TOR3A: variants seen among roughly 807,000 people sequenced by gnomAD.
TOR3A encodes torsin-3A.
A neutral mutation model predicts 42.1 loss-of-function variants in TOR3A; 44 were observed. That is an observed-to-expected ratio of 1.04 (90% CI 0.82 to 1.34). The LOEUF (loss-of-function observed/expected upper bound fraction) is 1.34, where lower values mean the gene tolerates loss of function less well. Ranked by LOEUF, TOR3A falls within the 40% of genes most tolerant of loss-of-function variation. The pLI, the probability that TOR3A is intolerant of heterozygous loss-of-function variation, is 0.00. For missense variants in TOR3A, 521 were observed against 507.6 expected (o/e 1.03, Z -0.25); for synonymous variants, 227 against 213.2 (o/e 1.06, Z -0.57).
intron 4 of TOR3A, 45 bp downstream of exon 4, chr1:179,088,134 G>A: frequency 6.7e-7 from 1 of 1,501,634 alleles, no homozygotes; most frequent in Non-Finnish European, 8.9e-7. Flanking sequence ...GGGAGGGGAA[G>A]ATACTAGCTG....
At chr1:179,082,505 C>T (rs990465281) in intron 1 of TOR3A, 118 bp downstream of exon 1, 1 of 1,400,270 alleles carries the variant, frequency 7.1e-7, no homozygotes, top group Middle Eastern at 2.5e-4. Flanking sequence ...CTGCTCTGCT[C>T]AGCCGCCGGT....
intron 4 of TOR3A, among the ~76,000 whole-genome samples, chr1:179,090,106 CGGGGTGGGG>C (rs1409775931): frequency 5.7e-5 from 1 of 17,626 alleles, no homozygotes; most frequent in South Asian, 9.1e-4. Context: ...TGGTTGTGGG[CGGGGTGGGG>C]GGGGGGGCCT....
At position 179,087,990 on chromosome 1, in the gene TOR3A, T is replaced by C; in HGVS notation, c.719T>C (p.Leu240Pro). 1 of 1,613,552 alleles carries C rather than the reference T, an allele frequency of 6.2e-7. No homozygotes were observed. The highest frequency in any genetic ancestry group is 8.5e-7 in the Non-Finnish European group (1 of 1,179,770). The change falls in exon 4 of 6, where the codon CTG becomes CCG. Residue 240 changes from leucine to proline, a missense_variant. Physicochemically the swap from Leu to Pro is moderately conservative, Grantham distance 98. Transcript: ENST00000367627. ...TTCATCTTCGATGAAGCGGAGAAGC[T>C]GCACCCAGGGCTGCTGGAGGTCCTT... is the stretch of plus-strand genomic sequence containing the variant. ...TLFIFDEAEK[L>P]HPGLLEVLGP...
chr1:179,085,050 C>A (rs1238252948), intron 2 of TOR3A, among the ~76,000 whole-genome samples: 1 of 152,234 alleles, frequency 6.6e-6, no homozygotes, highest in South Asian at 2.1e-4. Context: ...TCTGTGCCAA[C>A]TGTTCTGGGT....
Position 179,095,850 on chromosome 1 carries a change from A to AT in TOR3A, c.*636dup, listed in dbSNP as rs922156617. ...AAGGGAAAAGTACACAGAGGAAGAT[A>AT]TTTTACAAACCAGGTCAGTGTAGGC... On this transcript the variant is annotated 3_prime_UTR_variant, in exon 6 of 6. Transcript: ENST00000367627. The AT allele has an allele frequency of 2.0e-6, 2 of 985,190 alleles. No individual in the cohort carries two copies. Among genetic ancestry groups the AT allele is most frequent in the African/African-American group, 3.5e-5 (2 of 56,760 alleles). 61.0% of individuals were successfully genotyped at this position (985,190 alleles called of 1,614,324 possible).
chr1:179,091,934 AAG>A (rs202037385), intron 4 of TOR3A, among the ~76,000 whole-genome samples: 2,847 of 152,292 alleles, frequency 0.019, 34 homozygotes, highest in Middle Eastern at 0.031. Context: ...CAGAAAGTGG[AAG>A]AGTGGTGTGA....
Position 179,095,839 on chromosome 1 carries a change from C to T in TOR3A, c.*621C>T, listed in dbSNP as rs564686431. ...GCCTGAGGCTGAAGGGAAAAGTACA[C>T]AGAGGAAGATATTTTACAAACCAGG... On this transcript the variant is annotated 3_prime_UTR_variant, in exon 6 of 6. Coordinates refer to ENST00000367627, the MANE Select transcript of TOR3A (RefSeq NM_022371.4). The T allele has an allele frequency of 4.5e-4, 443 of 985,222 alleles. No individual in the cohort carries two copies. The highest frequency in any genetic ancestry group is 5.1e-4 in the Non-Finnish European group (425 of 830,738). The allele number at this position is 985,222 out of a possible 1,614,324, so 61.0% of individuals were successfully genotyped here.
In TOR3A at chr1:179,094,094, A is replaced by G. The variant is rs1235260916; in HGVS notation, c.820A>G (p.Asn274Asp). The G allele has an allele frequency of 1.2e-6, 2 of 1,611,782 alleles. No individual in the cohort carries two copies. Among genetic ancestry groups the G allele is most frequent in the East Asian group, 2.2e-5 (1 of 44,852 alleles). Residue 274 changes from asparagine to aspartate, a missense_variant and splice_region_variant, in exon 5 of 6, where the codon AAT becomes GAT. By Grantham distance (23) the Asn-to-Asp change is conservative. Coordinates refer to ENST00000367627, the MANE Select transcript of TOR3A (RefSeq NM_022371.4). ...TTAACAAGCTCTTGTCTCTTTCAGT[A>G]ATCTCAGGGGCGATATAATCAATGA... ...SPWTIFLFLSNLRGDIINEVV... is the reference protein window; with the variant it reads ...SPWTIFLFLSDLRGDIINEVV...
rs902404854 is a variant in TOR3A at position 179,082,964 on chromosome 1, A to C, written c.284A>C (p.Gln95Pro). ...PLGWRLPLLG[Q>P]RYLDLLTTWY... ...GGCTGGCGCCTTCCTCTGTTGGGCC[A>C]GCGGTACCTGGACCTCCTGACCACG... The change falls in exon 2 of 6, where the codon CAG becomes CCG. Residue 95 changes from glutamine to proline, a missense_variant. Gln to Pro is a moderately conservative substitution (Grantham distance 76). Transcript: ENST00000367627. 6 of 1,583,134 alleles carry C rather than the reference A, an allele frequency of 3.8e-6. No individual in the cohort carries two copies. Among genetic ancestry groups the C allele is most frequent in the East Asian group, 2.2e-5 (1 of 44,536 alleles).
Position 179,095,429 on chromosome 1 carries a change from T to C in TOR3A, c.*211T>C, listed in dbSNP as rs566827627. 1.4e-6 allele frequency: 2 copies of C among 1,406,326 alleles called. No homozygotes were observed. The highest frequency in any genetic ancestry group is 1.5e-5 in the African/African-American group (1 of 68,860). The allele number at this position is 1,406,326 out of a possible 1,614,324, so 87.1% of individuals were successfully genotyped here. A position where few individuals can be genotyped will look rare whatever the true frequency, so the allele number is the denominator to read the frequency against. On this transcript the variant is annotated 3_prime_UTR_variant, in exon 6 of 6. Transcript: ENST00000367627. The stretch of plus-strand genomic sequence containing the variant: ...CTTTTTTTTGGAGGTCCCACCGAGA[T>C]AGATAGGAACTTGGATTGCTGAATT...
chr1:179,092,844 G>GAA (rs370033439), intron 4 of TOR3A, among the ~76,000 whole-genome samples: 14 of 146,766 alleles, frequency 9.5e-5, no homozygotes, highest in Non-Finnish European at 1.8e-4. Flanking sequence ...TCTGTCTCAA[G>GAA]AAAAAAAAAA....
At chr1:179,094,650 G>C (rs528928790) in intron 5 of TOR3A, among the ~76,000 whole-genome samples, 1 of 152,126 alleles carries the variant, frequency 6.6e-6, no homozygotes. Context: ...AGGCTGAGGC[G>C]GGCGGATCAC....
At chr1:179,091,621 A>G (rs1022427042) in intron 4 of TOR3A, 1 of 152,288 alleles carries the variant, frequency 6.6e-6, no homozygotes, top group Non-Finnish European at 1.5e-5. Flanking sequence ...AAACAGGCCA[A>G]GCTTCCTGCC....
At chr1:179,092,452 T>C (rs1652615852) in intron 4 of TOR3A, among the ~76,000 whole-genome samples, 1 of 152,130 alleles carries the variant, frequency 6.6e-6, no homozygotes. Context: ...AGGCTAGGCC[T>C]AGTGGCTCAT....
Position 179,082,946 on chromosome 1 carries a change from G to A in TOR3A, c.266G>A (p.Arg89His), listed in dbSNP as rs1357881211. The A allele has an allele frequency of 5.1e-6, 8 of 1,567,436 alleles. No homozygotes were observed. Among genetic ancestry groups the A allele is most frequent in the Non-Finnish European group, 6.9e-6 (8 of 1,156,830 alleles). The change falls in exon 2 of 6, where the codon CGC (arginine) becomes CAC (histidine). Residue 89 changes from arginine (R) to histidine (H), a missense_variant. Transcript: ENST00000367627. ...ACAGCTCCTCCTTTTCCAGGCTGGC[G>A]CCTTCCTCTGTTGGGCCAGCGGTAC... is the stretch of plus-strand genomic sequence containing the variant. Reference protein sequence around the residue: ...EEAATGPLGWRLPLLGQRYLD... With the variant: ...EEAATGPLGWHLPLLGQRYLD...
intron 1 of TOR3A, 191 bp downstream of exon 1, chr1:179,082,578 C>G: frequency 1.2e-6 from 1 of 865,664 alleles, no homozygotes; most frequent in Non-Finnish European, 1.8e-6. Context: ...CTTGCCCCAC[C>G]CGCGTCCCCT....
intron 4 of TOR3A, among the ~76,000 whole-genome samples, chr1:179,089,597 C>T (rs777488797): frequency 6.6e-6 from 1 of 152,180 alleles, no homozygotes. Flanking sequence ...CGGAGGCAGC[C>T]GGGCTCACCT....
intron 4 of TOR3A, among the ~76,000 whole-genome samples, chr1:179,092,391 C>T (rs1245383633): frequency 1.3e-5 from 2 of 152,150 alleles, no homozygotes; most frequent in Non-Finnish European, 2.9e-5. Flanking sequence ...CACCTGCCTT[C>T]CCTGTCCTTT....
chr1:179,087,991 G>A lies in TOR3A; in HGVS notation c.720G>A (p.Leu240=). ...TCATCTTCGATGAAGCGGAGAAGCT[G>A]CACCCAGGGCTGCTGGAGGTCCTTG... is the stretch of plus-strand genomic sequence containing the variant. ...TLFIFDEAEK[L]HPGLLEVLGP... is the part of the protein sequence containing the mutation. Residue 240 remains leucine, a synonymous_variant, in exon 4 of 6, where the codon CTG becomes CTA. Transcript: ENST00000367627. 6.2e-7 allele frequency: 1 copy of A among 1,613,522 alleles called. No individual in the cohort carries two copies. The highest frequency in any genetic ancestry group is 8.5e-7 in the Non-Finnish European group (1 of 1,179,732).
Sources: allele counts gnomAD v4.1 joint callset (sites outside exome capture counted in the v4.1 genomes callset), GRCh38; gene constraint gnomAD v4.1.1; transcripts MANE v1.5; gene names NCBI Gene and HGNC (gene_info 2026-07-23, HGNC 2026-07-21).